The following DPP10 variants were observed in gnomAD, a reference collection of about 807,000 sequenced individuals.
The protein encoded by DPP10 is dipeptidyl peptidase like 10.
In DPP10, 33 loss-of-function variants were observed where a neutral mutation model predicts 120.9. The observed-to-expected ratio is 0.27, with a 90% CI of 0.21 to 0.37. The LOEUF is 0.37. DPP10 is among the 10% of genes least tolerant of loss of function. The pLI is 1.00. For missense variants in DPP10, 816 were observed against 942.8 expected, an observed-to-expected ratio of 0.87 and a Z score of 1.76; for synonymous variants, 337 against 326.1, an observed-to-expected ratio of 1.03 and a Z score of -0.36.
At chr2:115,678,411 C>T (rs1297820912) in intron 5 of DPP10, among the ~76,000 whole-genome samples, 1 of 152,258 alleles carries the variant, frequency 6.6e-6, no homozygotes, top group Non-Finnish European at 1.5e-5. Flanking sequence ...GCCATTGCTT[C>T]AGGTGCAAGC....
At position 115,727,924 on chromosome 2, in the gene DPP10, TG is replaced by T; in HGVS notation, c.687del (p.Trp229CysfsTer26). ...EEIIFNGIAD[W>X]LYEEELLHSH... ...AATAATTTTTAATGGGATTGCTGAC[TG>T]GTTATATGAAGGTGAGTTGATCAGA... is the stretch of plus-strand genomic sequence containing the variant. On this transcript the variant is annotated frameshift_variant, in exon 8 of 26. Coordinates refer to ENST00000410059, the MANE Select transcript of DPP10 (RefSeq NM_020868.6). LOFTEE classifies it high-confidence loss of function. 1 of 1,605,154 alleles carries T rather than the reference TG, an allele frequency of 6.2e-7. No homozygotes were observed. The highest frequency in any genetic ancestry group is 8.5e-7 in the Non-Finnish European group (1 of 1,176,684).
intron 3 of DPP10, among the ~76,000 whole-genome samples, chr2:115,454,712 A>G (rs1070871): frequency 0.83 from 125,328 of 151,500 alleles, 54,884 homozygotes; most frequent in Non-Finnish European, 0.97. Flanking sequence ...TAGTACTGAA[A>G]GATCTAGCCA....
intron 1 of DPP10, among the ~76,000 whole-genome samples, chr2:114,869,778 G>T (rs1004541447): frequency 1.3e-5 from 2 of 152,170 alleles, no homozygotes; most frequent in African/African-American, 2.4e-5. Context: ...GTCACACAGA[G>T]AACTGCCTAG....
At chr2:114,663,267 T>C (rs753071326) in intron 1 of DPP10, among the ~76,000 whole-genome samples, 6 of 148,578 alleles carry the variant, frequency 4.0e-5, no homozygotes, top group Non-Finnish European at 8.9e-5. Context: ...TATCTATATA[T>C]ATATACACAC....
At chr2:115,369,622 A>G (rs1036254792) in intron 3 of DPP10, among the ~76,000 whole-genome samples, 3 of 152,106 alleles carry the variant, frequency 2.0e-5, no homozygotes, top group Non-Finnish European at 2.9e-5. Context: ...GACAAGAAGT[A>G]TAACAGCGGA....
chr2:115,477,856 A>G (rs1558724660), intron 3 of DPP10, among the ~76,000 whole-genome samples: 1 of 152,146 alleles, frequency 6.6e-6, no homozygotes, highest in Non-Finnish European at 1.5e-5. Flanking sequence ...GGTAATTTAT[A>G]AGGAAAATGG....
chr2:115,477,446 AT>A (rs1158862392), intron 3 of DPP10, among the ~76,000 whole-genome samples: 1 of 152,186 alleles, frequency 6.6e-6, no homozygotes, highest in Non-Finnish European at 1.5e-5. Flanking sequence ...GAATTTAGTT[AT>A]CTAAAGAGAT....
At chr2:114,685,873 T>C (rs1309747900) in intron 1 of DPP10, among the ~76,000 whole-genome samples, 3 of 152,004 alleles carry the variant, frequency 2.0e-5, no homozygotes, top group African/African-American at 7.2e-5. Context: ...TGGATTCTTC[T>C]AATGCATTAT....
At chr2:114,836,917 T>C (rs1687785088) in intron 1 of DPP10, among the ~76,000 whole-genome samples, 1 of 152,230 alleles carries the variant, frequency 6.6e-6, no homozygotes, top group Admixed American at 6.5e-5. Flanking sequence ...AAGAGAAATA[T>C]GGCTCTGTTC....
At chr2:115,597,264 C>T (rs1326993357) in intron 5 of DPP10, among the ~76,000 whole-genome samples, 1 of 152,162 alleles carries the variant, frequency 6.6e-6, no homozygotes, top group African/African-American at 2.4e-5. Context: ...AGACATTAAA[C>T]ACACCAAGGT....
intron 1 of DPP10, among the ~76,000 whole-genome samples, chr2:114,596,710 T>A (rs2105198325): frequency 6.6e-6 from 1 of 152,128 alleles, no homozygotes; most frequent in Non-Finnish European, 1.5e-5. Context: ...ACTCCATTTT[T>A]TTTTCCTAAT....
chr2:115,782,135 C>T (rs1462648847), intron 16 of DPP10, among the ~76,000 whole-genome samples: 2 of 151,904 alleles, frequency 1.3e-5, no homozygotes, highest in African/African-American at 4.8e-5. Flanking sequence ...AGAATCTTAA[C>T]AATAATCTCT....
At chr2:115,460,532 C>A (rs1434042648) in intron 3 of DPP10, among the ~76,000 whole-genome samples, 1 of 152,122 alleles carries the variant, frequency 6.6e-6, no homozygotes, top group Non-Finnish European at 1.5e-5. Context: ...TTACTCTTTA[C>A]AAATATATTC....
intron 2 of DPP10, among the ~76,000 whole-genome samples, chr2:115,343,486 G>C (rs2063549912): frequency 6.6e-6 from 1 of 152,070 alleles, no homozygotes; most frequent in Non-Finnish European, 1.5e-5. Flanking sequence ...ATAAGGGGCT[G>C]AATTATAGTT....
chr2:115,069,460 A>G (rs1366321738), intron 1 of DPP10, among the ~76,000 whole-genome samples: 1 of 152,074 alleles, frequency 6.6e-6, no homozygotes, highest in Non-Finnish European at 1.5e-5. Context: ...GTTTTTCCAT[A>G]TATACAGTCA....
intron 3 of DPP10, among the ~76,000 whole-genome samples, chr2:115,410,393 A>G (rs1054937769): frequency 7.2e-5 from 11 of 152,098 alleles, no homozygotes; most frequent in African/African-American, 2.4e-4. Context: ...AAAACCAAGC[A>G]CCCATGTTCT....
At chr2:115,220,513 A>G (rs1376683313) in intron 1 of DPP10, among the ~76,000 whole-genome samples, 1 of 152,056 alleles carries the variant, frequency 6.6e-6, no homozygotes, top group Non-Finnish European at 1.5e-5. Context: ...GGAGTTTGAG[A>G]CCAGCCTGGG....
chr2:115,472,855 G>A (rs908739557), intron 3 of DPP10, among the ~76,000 whole-genome samples: 4 of 152,122 alleles, frequency 2.6e-5, no homozygotes, highest in Non-Finnish European at 4.4e-5. Context: ...TTGTAGAATT[G>A]AAAATCTAAA....
chr2:115,380,881 C>T (rs2066277487), intron 3 of DPP10, among the ~76,000 whole-genome samples: 2 of 152,178 alleles, frequency 1.3e-5, no homozygotes, highest in Admixed American at 6.5e-5. Flanking sequence ...AATATTGGCC[C>T]CCACTCTCTT....
Sources: allele counts gnomAD v4.1 joint callset (sites outside exome capture counted in the v4.1 genomes callset), GRCh38; gene constraint gnomAD v4.1.1; transcripts MANE v1.5; gene names NCBI Gene and HGNC (gene_info 2026-07-23, HGNC 2026-07-21).